Variants in OPRM1 observed in about 807,000 individuals in gnomAD.
OPRM1 encodes the protein mu-type opioid receptor.
Under a neutral mutation model 31.8 loss-of-function variants are expected in OPRM1, and 27 were observed. The observed-to-expected ratio is 0.85, with a 90% confidence interval of 0.63 to 1.17. OPRM1 has a LOEUF of 1.17. OPRM1 is among the 50% of genes most tolerant of loss of function. The pLI is 0.00. For missense variants in OPRM1, 536 were observed against 511.1 expected (o/e 1.05, Z -0.47); for synonymous variants, 196 against 189.9 (o/e 1.03, Z -0.26).
At chr6:154,109,052 A>G in intron 3 of OPRM1, 5 of 984,788 alleles carry the variant, frequency 5.1e-6, no homozygotes, top group Non-Finnish European at 6.0e-6. Context: ...AGAGAATTCT[A>G]GTGTCTAGAA....
intron 1 of OPRM1, among the ~76,000 whole-genome samples, chr6:154,045,302 C>T (rs1180263276): frequency 2.0e-5 from 3 of 152,074 alleles, no homozygotes; most frequent in African/African-American, 7.2e-5. Flanking sequence ...TTTTAAAATA[C>T]AAGAATTCCA....
chr6:154,199,020 A>AG (rs1358505302), intron 3 of OPRM1, among the ~76,000 whole-genome samples: 1 of 152,262 alleles, frequency 6.6e-6, no homozygotes, highest in East Asian at 1.9e-4. Context: ...ATAAAAGACA[A>AG]GGACCAGTTA....
chr6:154,198,961 A>G (rs143800596), intron 3 of OPRM1, among the ~76,000 whole-genome samples: 3 of 152,242 alleles, frequency 2.0e-5, no homozygotes, highest in Non-Finnish European at 4.4e-5. Flanking sequence ...GCGCACAATC[A>G]GAAAAGATAC....
At chr6:154,233,773 C>T (rs1020580593) in intron 3 of OPRM1, among the ~76,000 whole-genome samples, 19 of 152,188 alleles carry the variant, frequency 1.2e-4, no homozygotes, top group African/African-American at 4.6e-4. Flanking sequence ...GGCAAGACTT[C>T]CTGCCACCAG....
chr6:154,143,373 C>T (rs893139323), intron 3 of OPRM1, among the ~76,000 whole-genome samples: 1 of 152,180 alleles, frequency 6.6e-6, no homozygotes, highest in Non-Finnish European at 1.5e-5. Flanking sequence ...CCCTCCTTGA[C>T]CACTACAGCA....
chr6:154,135,223 C>T (rs1798025040), downstream of OPRM1, among the ~76,000 whole-genome samples: 1 of 152,168 alleles, frequency 6.6e-6, no homozygotes, highest in South Asian at 2.1e-4. Flanking sequence ...AATCCCAGCA[C>T]TTTGGGAGGC....
chr6:154,080,510 T>C (rs1182615186), intron 1 of OPRM1, among the ~76,000 whole-genome samples: 1 of 152,230 alleles, frequency 6.6e-6, no homozygotes, highest in East Asian at 1.9e-4. Context: ...TCAAACCTCA[T>C]TTCTCTCACA....
intron 3 of OPRM1, among the ~76,000 whole-genome samples, chr6:154,115,573 T>C (rs1037062809): frequency 2.0e-5 from 3 of 151,868 alleles, no homozygotes; most frequent in African/African-American, 7.3e-5. Context: ...AGAATAAGAG[T>C]TGGACCCTTC....
At chr6:154,027,775 G>T (rs911069917) in intron 1 of OPRM1, among the ~76,000 whole-genome samples, 3 of 152,142 alleles carry the variant, frequency 2.0e-5, no homozygotes, top group African/African-American at 7.2e-5. Context: ...CTGGCCCATG[G>T]GGAGTACTGC....
chr6:154,061,644 GC>G (rs1363156544), intron 1 of OPRM1, among the ~76,000 whole-genome samples: 1 of 151,988 alleles, frequency 6.6e-6, no homozygotes, highest in East Asian at 1.9e-4. Context: ...AAAGAGGGGA[GC>G]AACAGACACC....
At chr6:154,208,457 C>T (rs1389414140) in intron 3 of OPRM1, among the ~76,000 whole-genome samples, 1 of 152,222 alleles carries the variant, frequency 6.6e-6, no homozygotes, top group Non-Finnish European at 1.5e-5. Flanking sequence ...TCCTGACTCA[C>T]TGGACTCCAC....
At chr6:154,060,429 A>G (rs1784163214) in intron 1 of OPRM1, among the ~76,000 whole-genome samples, 2 of 152,156 alleles carry the variant, frequency 1.3e-5, no homozygotes, top group African/African-American at 4.8e-5. Context: ...TTGCTTCTCA[A>G]ATGGTTAATG....
rs1406614873 is a variant in OPRM1 at position 154,119,201 on chromosome 6, T to C, written c.*480T>C. On this transcript the variant is annotated 3_prime_UTR_variant, in exon 4 of 4. Coordinates refer to ENST00000330432, the MANE Select transcript of OPRM1 (RefSeq NM_000914.5). The stretch of plus-strand genomic sequence containing the variant: ...AGGGAATGAATCCATTATTCTATTT[T>C]AGACTTTTAACTTCACCTTAAAATT... 3 of 986,240 alleles carry C rather than the reference T, an allele frequency of 3.0e-6. No homozygotes were observed. The highest frequency in any genetic ancestry group is 4.7e-5 in the South Asian group (1 of 21,310). The allele number at this position is 986,240 out of a possible 1,614,324, so 61.1% of individuals were successfully genotyped here. A position where few individuals can be genotyped will look rare whatever the true frequency, so the allele number is the denominator to read the frequency against.
At chr6:154,132,839 C>T (rs914484965), downstream of OPRM1, among the ~76,000 whole-genome samples, 6 of 151,970 alleles carry the variant, frequency 3.9e-5, no homozygotes, top group African/African-American at 1.2e-4. Context: ...AAGAAAAAAA[C>T]GGCTGGGCGT....
intron 3 of OPRM1, among the ~76,000 whole-genome samples, chr6:154,191,630 C>A (rs1686187856): frequency 1.3e-5 from 2 of 151,970 alleles, no homozygotes; most frequent in South Asian, 4.2e-4. Context: ...GCCGAGATCA[C>A]GCCACTGCAC....
chr6:154,181,063 T>C (rs1216620868), intron 3 of OPRM1, among the ~76,000 whole-genome samples: 4 of 152,186 alleles, frequency 2.6e-5, no homozygotes, highest in African/African-American at 9.7e-5. Flanking sequence ...TTATTTAATA[T>C]AGCACCTGAT....
chr6:154,094,012 C>T (rs1232602205), intron 3 of OPRM1, among the ~76,000 whole-genome samples: 3 of 152,164 alleles, frequency 2.0e-5, no homozygotes, highest in Admixed American at 6.5e-5. Context: ...GGTGTTTGGT[C>T]GTTGTTTCAC....
rs1391854971 is a variant in OPRM1, at chr6:154,195,333, G to A, written c.1165-51360G>A. On this transcript the variant is annotated intron_variant, in intron 3 of 3. Coordinates refer to the OPRM1 transcript ENST00000337049. ...TGGCTAATTTTTTGTGTTTTTAATA[G>A]AGATGGGGTTTCACCATGTTAGCCA... 2.0e-5 allele frequency among the ~76,000 whole-genome samples: 3 copies of A among 151,836 alleles called. No homozygotes were observed. The East Asian group carries it at 5.8e-4, about 29-fold the overall frequency.
At chr6:154,228,222 T>C (rs973273080) in intron 3 of OPRM1, among the ~76,000 whole-genome samples, 2 of 151,912 alleles carry the variant, frequency 1.3e-5, no homozygotes, top group Non-Finnish European at 2.9e-5. Context: ...TCCCAGCGCT[T>C]TGGGAGGCCG....
Sources: gnomAD v4.1 joint callset for allele counts (sites outside exome capture counted in the v4.1 genomes callset) on GRCh38, gnomAD v4.1.1 for gene constraint, MANE v1.5 for transcripts, NCBI Gene and HGNC (gene_info 2026-07-23, HGNC 2026-07-21) for gene names.